The following RBL2 variants were observed in gnomAD, a reference collection of about 807,000 sequenced individuals.
RBL2 encodes RB transcriptional corepressor like 2.
In RBL2, 56 loss-of-function variants were observed where a neutral mutation model predicts 126.0. The observed-to-expected ratio is 0.44, with a 90% CI of 0.36 to 0.56. RBL2 has a LOEUF of 0.56. RBL2 is among the 20% of genes least tolerant of loss of function. The probability of loss-of-function intolerance (pLI) is 0.00; values close to 1 mark genes in which losing one functional copy is unlikely to be tolerated. For synonymous variants in RBL2, 454 were observed against 478.5 expected, an observed-to-expected ratio of 0.95 and a Z score of 0.67; for missense variants, 1,229 against 1,398.2, an observed-to-expected ratio of 0.88 and a Z score of 1.93.
chr16:53,478,874 A>G, intron 17 of RBL2: 6 of 315,126 alleles, frequency 1.9e-5, no homozygotes, highest in Non-Finnish European at 3.5e-5. Context: ...CACCCTCCTC[A>G]GCCTCCCAAA....
Position 53,481,596 on chromosome 16 carries a change from C to A in RBL2, c.3085-75C>A. On this transcript the variant is annotated intron_variant, in intron 20 of 21. Coordinates refer to ENST00000262133, the MANE Select transcript of RBL2 (RefSeq NM_005611.4). ...AAACTACTGGTTTAGCACACCTCTTCACTCAATAATCATTTTCAGTAAAAA... is the reference window on the plus strand; with the variant it reads ...AAACTACTGGTTTAGCACACCTCTTAACTCAATAATCATTTTCAGTAAAAA... 6 of 1,300,382 alleles carry A rather than the reference C, an allele frequency of 4.6e-6. No homozygotes were observed. The South Asian group carries it at 6.0e-5, about 13-fold the overall frequency. 80.6% of individuals were successfully genotyped at this position (1,300,382 alleles called of 1,614,324 possible).
intron 1 of RBL2, among the ~76,000 whole-genome samples, chr16:53,435,905 C>A (rs955570238): frequency 1.3e-5 from 2 of 152,138 alleles, no homozygotes. Flanking sequence ...CCCGACAGAC[C>A]TGAAACCGCT....
intron 2 of RBL2, 105 bp from the exon 3 acceptor site, chr16:53,442,553 G>A: frequency 1.2e-6 from 1 of 848,770 alleles, no homozygotes; most frequent in Non-Finnish European, 1.8e-6. Flanking sequence ...CTGTCTAAAA[G>A]TAATATAATT....
intron 16 of RBL2, 39 bp from the exon 17 acceptor site, chr16:53,470,707 C>A (rs762381900): frequency 1.9e-6 from 3 of 1,612,122 alleles, no homozygotes. Context: ...TTGGGAAATA[C>A]AAGTGTTAAA....
chr16:53,484,458 C>G (rs4783813), intron 21 of RBL2, among the ~76,000 whole-genome samples: 72,529 of 152,038 alleles, frequency 0.48, 18,021 homozygotes, highest in Middle Eastern at 0.61. Flanking sequence ...AAGTTATATA[C>G]TTTAAATATA....
chr16:53,434,733 C>A lies in RBL2; in HGVS notation c.177C>A (p.Asp59Glu), dbSNP rs770618567. The A allele has an allele frequency of 1.9e-6, 3 of 1,546,090 alleles. No homozygotes were observed. The change falls in exon 1 of 22, where the codon GAC becomes GAA. Residue 59 changes from aspartate (D) to glutamate (E), a missense_variant. Physicochemically the swap from Asp to Glu is conservative, Grantham distance 45. This residue lies in a region of RBL2 where 159 missense variants were observed against 123.9 expected (regional missense o/e 1.28). Transcript: ENST00000262133. ...AGCTGTGCAGCCGCCTCAACATGGA[C>A]GAGGCGGCGCGGGCCGAGGCCTGGG... ...FDELCSRLNMDEAARAEAWDS... is the reference protein window; with the variant it reads ...FDELCSRLNMEEAARAEAWDS...
chr16:53,489,160 G>T (rs1273216604), intron 21 of RBL2: 2 of 151,662 alleles, frequency 1.3e-5, no homozygotes, highest in African/African-American at 2.4e-5. Context: ...TTACTTTAAA[G>T]AATAAAAATA....
chr16:53,443,915 T>C (rs1275086960), intron 3 of RBL2, among the ~76,000 whole-genome samples: 1 of 152,168 alleles, frequency 6.6e-6, no homozygotes, highest in Non-Finnish European at 1.5e-5. Flanking sequence ...AAGCATCTGG[T>C]CTAGCTCACT....
intron 17 of RBL2, among the ~76,000 whole-genome samples, chr16:53,474,896 A>AC (rs1224419813): frequency 2.0e-5 from 3 of 151,698 alleles, no homozygotes; most frequent in Non-Finnish European, 4.4e-5. Context: ...TTTTTAATTT[A>AC]CAGCTGCCTG....
chr16:53,470,608 C>A lies in RBL2; in HGVS notation c.2471C>A (p.Thr824Asn), dbSNP rs1010854027. The change falls in exon 16 of 22, where the codon ACC becomes AAC. Residue 824 changes from threonine to asparagine, a missense_variant. Around this residue, in one of 2 missense-constraint regions of RBL2, gnomAD observed 1,070 missense variants for 1,274.3 expected, o/e 0.84. Transcript: ENST00000262133. The part of the protein sequence containing the change: ...GQQQKQGQSV[T>N]SSSNRPRKTS... ...CAGCAGAAGCAAGGCCAGTCTGTAA[C>A]CAGCAGTAGTAATAGACCCAGGAAG... 9 of 1,614,204 alleles carry A rather than the reference C, an allele frequency of 5.6e-6. No individual in the cohort carries two copies. The highest frequency in any genetic ancestry group is 7.6e-6 in the Non-Finnish European group (9 of 1,180,038).
chr16:53,471,903 C>T (rs1255415858), intron 17 of RBL2, among the ~76,000 whole-genome samples: 1 of 152,198 alleles, frequency 6.6e-6, no homozygotes, highest in Non-Finnish European at 1.5e-5. Context: ...AAACTCCTTT[C>T]CTATTAAGTA....
chr16:53,437,531 G>C (rs774177490), intron 1 of RBL2, among the ~76,000 whole-genome samples: 4 of 152,084 alleles, frequency 2.6e-5, no homozygotes, highest in Admixed American at 2.6e-4. Flanking sequence ...GAATTGTGAC[G>C]ATCTTTTACA....
Position 53,490,548 on chromosome 16 carries a change from T to C in RBL2, c.*248T>C, listed in dbSNP as rs1038233406. ...GTCAAGGCTGCTTAGAATCCAAACT[T>C]GGATTTTTGACTCTGGCAAAGCTTT... is the stretch of plus-strand genomic sequence containing the variant. On this transcript the variant is annotated 3_prime_UTR_variant, in exon 22 of 22. Transcript: ENST00000262133. 8.6e-6 allele frequency: 3 copies of C among 349,768 alleles called. No individual in the cohort carries two copies. Among genetic ancestry groups the C allele is most frequent in the Admixed American group, 9.4e-5 (2 of 21,316 alleles). The allele number at this position is 349,768 out of a possible 1,614,324, so 21.7% of individuals were successfully genotyped here.
At position 53,470,809 on chromosome 16, in the gene RBL2, T is replaced by C. The variant is rs10748; in HGVS notation, c.2590T>C (p.Leu864=). ...LCAKLDISDE[L]RKKIWTCFEF... ...TGCCAAACTAGATATTTCAGATGAA[T>C]TGAGGAAAAAAATCTGGACCTGCTT... Residue 864 remains leucine, a synonymous_variant, in exon 17 of 22, where the codon TTG becomes CTG. Coordinates refer to ENST00000262133, the MANE Select transcript of RBL2 (RefSeq NM_005611.4). 757,026 of 1,613,868 alleles carry C rather than the reference T, an allele frequency of 0.47. 186,193 individuals carry two copies. Among genetic ancestry groups the C allele is most frequent in the African/African-American group, 0.79 (59,047 of 74,968 alleles).
intron 8 of RBL2, among the ~76,000 whole-genome samples, chr16:53,457,748 G>A (rs2058183338): frequency 6.6e-6 from 1 of 152,192 alleles, no homozygotes; most frequent in East Asian, 1.9e-4. Context: ...GATTCCTCTT[G>A]ATCAGAATGA....
chr16:53,482,627 G>C (rs9302647), intron 21 of RBL2, among the ~76,000 whole-genome samples: 78,865 of 151,878 alleles, frequency 0.52, 22,067 homozygotes, highest in African/African-American at 0.72. Flanking sequence ...CTAGTCAACA[G>C]GGTGAAACCT....
chr16:53,441,037 G>A (rs994040691), intron 2 of RBL2, among the ~76,000 whole-genome samples: 27 of 128,096 alleles, frequency 2.1e-4, no homozygotes, highest in African/African-American at 8.3e-4. Flanking sequence ...TCTACTCACT[G>A]CAACCTCCAC....
chr16:53,452,459 T>TC (rs2058124878), intron 5 of RBL2, among the ~76,000 whole-genome samples: 1 of 152,190 alleles, frequency 6.6e-6, no homozygotes, highest in African/African-American at 2.4e-5. Flanking sequence ...TCTGGGTGAT[T>TC]CTCAGTTTTG....
chr16:53,441,363 C>T (rs576710813), intron 2 of RBL2, among the ~76,000 whole-genome samples: 161 of 152,234 alleles, frequency 1.1e-3, no homozygotes, highest in Non-Finnish European at 1.7e-3. Context: ...TGCACATTCT[C>T]TTACTGTACT....
Sources: allele counts gnomAD v4.1 joint callset (sites outside exome capture counted in the v4.1 genomes callset), GRCh38; gene constraint gnomAD v4.1.1; regional missense constraint gnomAD v4.1.1; transcripts MANE v1.5; gene names NCBI Gene and HGNC (gene_info 2026-07-23, HGNC 2026-07-21).